TMTC2: variants seen among roughly 807,000 people sequenced by gnomAD.
The protein encoded by TMTC2 is transmembrane O-mannosyltransferase targeting cadherins 2.
A neutral mutation model predicts 82.4 loss-of-function variants in TMTC2; 43 were observed. That is an observed-to-expected ratio of 0.52 (90% CI 0.41 to 0.67). The LOEUF (loss-of-function observed/expected upper bound fraction) is 0.67, where lower values mean the gene tolerates loss of function less well. Among genes scored for constraint, TMTC2 ranks in the 30% least tolerant of loss-of-function variants. TMTC2 has a pLI of 0.00. For synonymous variants in TMTC2, 408 were observed against 381.9 expected (o/e 1.07, Z -0.80); for missense variants, 919 against 1,012.4 (o/e 0.91, Z 1.25).
At chr12:82,780,895 T>G (rs1877872448) in intron 1 of TMTC2, among the ~76,000 whole-genome samples, 1 of 152,086 alleles carries the variant, frequency 6.6e-6, no homozygotes, top group African/African-American at 2.4e-5. Flanking sequence ...AGAGGTTTTT[T>G]AATAGGGTTA....
chr12:83,120,240 A>T (rs1387318382), intron 11 of TMTC2, among the ~76,000 whole-genome samples: 1 of 151,870 alleles, frequency 6.6e-6, no homozygotes, highest in African/African-American at 2.4e-5. Context: ...TTTTTGTTTT[A>T]TAGGTTCTGT....
intron 8 of TMTC2, among the ~76,000 whole-genome samples, chr12:82,994,937 C>T (rs1023044746): frequency 2.6e-5 from 4 of 151,826 alleles, no homozygotes; most frequent in South Asian, 4.2e-4. Context: ...TTCCACCCCC[C>T]GCCCCCCATT....
chr12:82,717,311 ACCTCC>A (rs1468763483), intron 1 of TMTC2, among the ~76,000 whole-genome samples: 1 of 148,000 alleles, frequency 6.8e-6, no homozygotes, highest in Non-Finnish European at 1.5e-5. Flanking sequence ...CACAACCTCC[ACCTCC>A]TGGGTTCAAG....
chr12:83,132,151 T>C, intron 11 of TMTC2, 59 bp from the exon 12 acceptor site: 1 of 1,532,938 alleles, frequency 6.5e-7, no homozygotes, highest in Non-Finnish European at 8.8e-7. Flanking sequence ...ATTTTTGTTT[T>C]CCATGAAGGA....
intron 2 of TMTC2, among the ~76,000 whole-genome samples, chr12:82,871,764 T>C (rs534744338): frequency 6.7e-6 from 1 of 150,184 alleles, no homozygotes; most frequent in South Asian, 2.1e-4. Context: ...AGGTTTAGAG[T>C]CGGTGTCCAT....
chr12:82,701,538 G>A (rs1161907358), intron 1 of TMTC2, among the ~76,000 whole-genome samples: 1 of 150,002 alleles, frequency 6.7e-6, no homozygotes, highest in Non-Finnish European at 1.5e-5. Context: ...GATCACCTGA[G>A]GTTGGGAGTT....
intron 1 of TMTC2, chr12:82,760,880 A>G (rs1409338022): frequency 2.5e-6 from 1 of 402,596 alleles, no homozygotes; most frequent in Non-Finnish European, 5.0e-6. Flanking sequence ...AGATGGAACC[A>G]TCTAGTTGCA....
intron 8 of TMTC2, among the ~76,000 whole-genome samples, chr12:82,995,708 A>T (rs1299816021): frequency 6.6e-6 from 1 of 152,116 alleles, no homozygotes; most frequent in East Asian, 1.9e-4. Flanking sequence ...TCTTCATCTT[A>T]TGAAGAATTA....
intron 9 of TMTC2, among the ~76,000 whole-genome samples, chr12:83,040,500 A>C (rs747597070): frequency 6.6e-6 from 1 of 152,152 alleles, no homozygotes; most frequent in Non-Finnish European, 1.5e-5. Flanking sequence ...TATTTACACT[A>C]TCTCACTTGT....
At chr12:82,804,382 A>G (rs1879146790) in intron 1 of TMTC2, among the ~76,000 whole-genome samples, 1 of 152,112 alleles carries the variant, frequency 6.6e-6, no homozygotes, top group Non-Finnish European at 1.5e-5. Flanking sequence ...AATTTCTAGA[A>G]TTTCTTTGAA....
At chr12:82,888,044 A>G (rs1330606063) in intron 2 of TMTC2, among the ~76,000 whole-genome samples, 2 of 152,184 alleles carry the variant, frequency 1.3e-5, no homozygotes, top group African/African-American at 4.8e-5. Flanking sequence ...GCGCCATTGC[A>G]TTCCAGCCTG....
At chr12:82,875,106 G>T (rs1281179598) in intron 2 of TMTC2, among the ~76,000 whole-genome samples, 1 of 152,056 alleles carries the variant, frequency 6.6e-6, no homozygotes, top group Non-Finnish European at 1.5e-5. Flanking sequence ...GAGTGTGGTT[G>T]TGTGTTCTGG....
At chr12:82,991,144 C>T (rs914042112) in intron 8 of TMTC2, among the ~76,000 whole-genome samples, 1 of 152,112 alleles carries the variant, frequency 6.6e-6, no homozygotes, top group Non-Finnish European at 1.5e-5. Context: ...CCTCAAAAGT[C>T]ATTTCACTAC....
In TMTC2 at chr12:82,958,257, A is replaced by G. The variant is rs557013757; in HGVS notation, c.1599-6767A>G. 8.0e-5 allele frequency among the ~76,000 whole-genome samples: 12 copies of G among 150,146 alleles called. No individual in the cohort carries two copies. In the South Asian group the frequency reaches 2.1e-3, roughly 27 times the overall value. ...CGCACACCTGTAGCCCCAGCTACTG[A>G]GGCAGGAGAATCGCTTGAGCCTGGA... On this transcript the variant is annotated intron_variant, in intron 4 of 11. Coordinates refer to ENST00000321196, the MANE Select transcript of TMTC2 (RefSeq NM_152588.3).
At chr12:82,690,894 A>G (rs769740216) in intron 1 of TMTC2, among the ~76,000 whole-genome samples, 15 of 152,092 alleles carry the variant, frequency 9.9e-5, no homozygotes, top group Non-Finnish European at 1.8e-4. Context: ...AACTCTCTGC[A>G]TTCTTACGCA....
intron 1 of TMTC2, among the ~76,000 whole-genome samples, chr12:82,719,569 C>A (rs1282415958): frequency 2.6e-5 from 4 of 151,876 alleles, no homozygotes; most frequent in Non-Finnish European, 5.9e-5. Context: ...ACAGGTACAA[C>A]TGTGAGCAAA....
intron 7 of TMTC2, among the ~76,000 whole-genome samples, chr12:82,976,625 T>A (rs73146594): frequency 0.065 from 9,856 of 152,074 alleles, 433 homozygotes; most frequent in Non-Finnish European, 0.099. Context: ...AAGCAATATA[T>A]CTGGGGCAAC....
intron 1 of TMTC2, among the ~76,000 whole-genome samples, chr12:82,700,719 A>G (rs1398479218): frequency 6.6e-6 from 1 of 152,220 alleles, no homozygotes; most frequent in Non-Finnish European, 1.5e-5. Flanking sequence ...CAAATTCTTT[A>G]CCATGATTGA....
chr12:82,741,784 G>T (rs1376877552), intron 1 of TMTC2, among the ~76,000 whole-genome samples: 1 of 152,188 alleles, frequency 6.6e-6, no homozygotes, highest in Non-Finnish European at 1.5e-5. Flanking sequence ...TCTCCTTTAA[G>T]ATGTCATGTA....
Sources: gnomAD v4.1 joint callset for allele counts (sites outside exome capture counted in the v4.1 genomes callset) on GRCh38, gnomAD v4.1.1 for gene constraint, MANE v1.5 for transcripts, NCBI Gene and HGNC (gene_info 2026-07-23, HGNC 2026-07-21) for gene names.